Variants in STPG2 observed in about 807,000 individuals in gnomAD.
STPG2 encodes the protein sperm-tail PG-rich repeat-containing protein 2.
STPG2 carries 56 observed loss-of-function variants against 54.2 expected under a neutral mutation model. That is an observed-to-expected ratio of 1.03 (90% confidence interval 0.83 to 1.29). STPG2 has a LOEUF of 1.29. Among genes scored for constraint, STPG2 ranks in the 50% most tolerant of loss-of-function variants. The pLI is 0.00. For synonymous variants in STPG2, 200 were observed against 181.8 expected (o/e 1.10, Z -0.81); for missense variants, 596 against 544.9 (o/e 1.09, Z -0.93).
At chr4:97,499,987 A>G (rs188491165) in intron 4 of STPG2, among the ~76,000 whole-genome samples, 2 of 152,134 alleles carry the variant, frequency 1.3e-5, no homozygotes, top group African/African-American at 4.8e-5. Context: ...TGAGAAGTGA[A>G]GCCATGGAGA....
chr4:97,747,657 T>G (rs986175384), intron 9 of STPG2, among the ~76,000 whole-genome samples: 1 of 151,444 alleles, frequency 6.6e-6, no homozygotes, highest in Admixed American at 6.6e-5. Context: ...ATTTTACCTC[T>G]TTTAGGATTT....
intron 10 of STPG2, among the ~76,000 whole-genome samples, chr4:97,699,584 T>C (rs962084700): frequency 6.6e-6 from 1 of 152,216 alleles, no homozygotes; most frequent in African/African-American, 2.4e-5. Context: ...TCTCCTTCCA[T>C]GCAAAGTGCA....
intron 9 of STPG2, among the ~76,000 whole-genome samples, chr4:97,739,285 A>G (rs577713080): frequency 1.3e-5 from 2 of 152,300 alleles, no homozygotes; most frequent in East Asian, 1.9e-4. Context: ...TTGACACCCT[A>G]ACATCACAAT....
At chr4:97,689,843 AT>A (rs1723309946) in intron 10 of STPG2, among the ~76,000 whole-genome samples, 1 of 152,018 alleles carries the variant, frequency 6.6e-6, no homozygotes, top group Admixed American at 6.6e-5. Flanking sequence ...GATTGTCTTA[AT>A]TTTTTTACCT....
chr4:98,018,072 G>C (rs1736027755), intron 5 of STPG2, among the ~76,000 whole-genome samples: 1 of 151,854 alleles, frequency 6.6e-6, no homozygotes, highest in African/African-American at 2.4e-5. Flanking sequence ...ACAATGTGCA[G>C]GTTTGTTACA....
intron 5 of STPG2, among the ~76,000 whole-genome samples, chr4:98,104,213 G>A (rs1350275839): frequency 6.6e-6 from 1 of 152,038 alleles, no homozygotes; most frequent in Non-Finnish European, 1.5e-5. Flanking sequence ...AAAATAATCA[G>A]GAGAAACTAC....
chr4:97,497,554 C>T (rs2148831041), intron 4 of STPG2, among the ~76,000 whole-genome samples: 1 of 151,884 alleles, frequency 6.6e-6, no homozygotes, highest in Admixed American at 6.6e-5. Flanking sequence ...TTAAAATAAG[C>T]ATACATTTCT....
intron 9 of STPG2, among the ~76,000 whole-genome samples, chr4:97,717,323 T>TA (rs934413446): frequency 2.0e-5 from 3 of 152,238 alleles, no homozygotes; most frequent in African/African-American, 7.2e-5. Context: ...AAGGATATCT[T>TA]AAAGTTATTA....
intron 4 of STPG2, among the ~76,000 whole-genome samples, chr4:97,502,437 G>C (rs1730745961): frequency 6.6e-6 from 1 of 151,958 alleles, no homozygotes; most frequent in African/African-American, 2.4e-5. Context: ...AACAATGTGT[G>C]AGTGAAAATT....
intron 5 of STPG2, among the ~76,000 whole-genome samples, chr4:98,042,155 AT>A: frequency 6.6e-6 from 1 of 151,376 alleles, no homozygotes; most frequent in Non-Finnish European, 1.5e-5. Context: ...AATCTTTTGT[AT>A]TTTTATGAGA....
chr4:97,975,662 T>G (rs1236534784), intron 6 of STPG2, among the ~76,000 whole-genome samples: 2 of 152,180 alleles, frequency 1.3e-5, no homozygotes, highest in Non-Finnish European at 2.9e-5. Flanking sequence ...TAAAGAACAC[T>G]TAACTTGGTT....
At chr4:97,479,384 A>G (rs957654860) in intron 4 of STPG2, among the ~76,000 whole-genome samples, 3 of 151,990 alleles carry the variant, frequency 2.0e-5, no homozygotes, top group Admixed American at 1.3e-4. Context: ...AAAATGCACC[A>G]GACTATAAAT....
intron 10 of STPG2, among the ~76,000 whole-genome samples, chr4:97,703,555 A>G (rs940065479): frequency 1.4e-5 from 2 of 140,678 alleles, no homozygotes; most frequent in African/African-American, 5.2e-5. Flanking sequence ...ATAATATACT[A>G]TATATACTAT....
intron 8 of STPG2, among the ~76,000 whole-genome samples, chr4:97,894,943 C>A (rs998497551): frequency 1.3e-5 from 2 of 151,910 alleles, no homozygotes; most frequent in Non-Finnish European, 2.9e-5. Context: ...TGATCTATCA[C>A]TTGCAGTCTC....
chr4:98,053,114 G>A (rs913491299), intron 5 of STPG2, among the ~76,000 whole-genome samples: 5 of 152,202 alleles, frequency 3.3e-5, no homozygotes, highest in Non-Finnish European at 2.9e-5. Flanking sequence ...AGGCCAGACA[G>A]AAGGCCTGAG....
chr4:97,897,563 C>A (rs760375524), intron 8 of STPG2, among the ~76,000 whole-genome samples: 4 of 152,148 alleles, frequency 2.6e-5, no homozygotes, highest in South Asian at 2.1e-4. Context: ...ACCTTGTCAG[C>A]ATCTGTTATT....
At chr4:97,913,967 C>T (rs1731775924) in intron 8 of STPG2, among the ~76,000 whole-genome samples, 1 of 151,930 alleles carries the variant, frequency 6.6e-6, no homozygotes. Flanking sequence ...ATTGCAAATC[C>T]TGAGAATATT....
At chr4:97,969,684 G>T (rs1734252414) in intron 7 of STPG2, among the ~76,000 whole-genome samples, 1 of 152,140 alleles carries the variant, frequency 6.6e-6, no homozygotes, top group African/African-American at 2.4e-5. Context: ...AGCTATCTAT[G>T]ACAAACCCAC....
chr4:98,040,556 A>G (rs1293434555), intron 5 of STPG2, among the ~76,000 whole-genome samples: 1 of 151,712 alleles, frequency 6.6e-6, no homozygotes, highest in Non-Finnish European at 1.5e-5. Flanking sequence ...TTTTCCCGGC[A>G]CCATTTATTG....
Sources: allele counts gnomAD v4.1 joint callset (sites outside exome capture counted in the v4.1 genomes callset), GRCh38; gene constraint gnomAD v4.1.1; transcripts MANE v1.5; gene names NCBI Gene and HGNC (gene_info 2026-07-23, HGNC 2026-07-21).